The following HP1BP3 variants were observed in gnomAD, a reference collection of about 807,000 sequenced individuals.
The protein encoded by HP1BP3 is heterochromatin protein 1-binding protein 3.
In HP1BP3, 12 loss-of-function variants were observed where a neutral mutation model predicts 62.5. The ratio of observed to expected loss-of-function variants is 0.19; its 90% CI spans 0.12 to 0.31. The LOEUF is 0.31. Among genes scored for constraint, HP1BP3 ranks in the 10% least tolerant of loss-of-function variants. The pLI, the probability that HP1BP3 is intolerant of heterozygous loss-of-function variation, is 1.00. For synonymous variants in HP1BP3, 260 were observed against 237.8 expected (o/e 1.09, Z -0.86); for missense variants, 502 against 651.8 (o/e 0.77, Z 2.50).
chr1:20,773,380 T>A, intron 5 of HP1BP3, 71 bp downstream of exon 5: 1 of 1,351,308 alleles, frequency 7.4e-7, no homozygotes, highest in Non-Finnish European at 1.0e-6. Context: ...TAGACAGATA[T>A]ATGCCATTTT....
intron 8 of HP1BP3, among the ~76,000 whole-genome samples, chr1:20,758,645 C>CTT (rs1001723047): frequency 1.7e-4 from 23 of 133,068 alleles, no homozygotes; most frequent in Admixed American, 5.3e-4. Flanking sequence ...CACACCTGGC[C>CTT]TTTTTTTTTT....
chr1:20,780,771 A>C (rs1250922580), intron 1 of HP1BP3, among the ~76,000 whole-genome samples: 1 of 152,194 alleles, frequency 6.6e-6, no homozygotes, highest in Non-Finnish European at 1.5e-5. Context: ...ACATGAACAA[A>C]GACAACAAGG....
At chr1:20,755,378 C>T (rs952067946) in intron 9 of HP1BP3, 2 of 452,492 alleles carry the variant, frequency 4.4e-6, no homozygotes, top group African/African-American at 4.0e-5. Context: ...TCAAGAGTAG[C>T]CTGGGCAACA....
At chr1:20,767,528 A>T (rs1016682133) in intron 7 of HP1BP3, 56 bp downstream of exon 7, 2 of 1,140,782 alleles carry the variant, frequency 1.8e-6, no homozygotes, top group African/African-American at 3.1e-5. Flanking sequence ...GAATGTTGCT[A>T]TTTTTAGTAG....
intron 3 of HP1BP3, among the ~76,000 whole-genome samples, chr1:20,777,481 G>C (rs145065685): frequency 1.3e-5 from 2 of 150,888 alleles, no homozygotes; most frequent in Non-Finnish European, 2.9e-5. Context: ...TTTTTGAGAC[G>C]GAGTCTCGCT....
chr1:20,747,616 T>C lies in HP1BP3; in HGVS notation c.1181A>G (p.Asn394Ser), dbSNP rs1298441287. 4 of 1,613,624 alleles carry C rather than the reference T, an allele frequency of 2.5e-6. No homozygotes were observed. In the Admixed American group the frequency reaches 5.0e-5, roughly 20 times the overall value. ...LKKTLQKCEK[N>S]GWMEQISGKG... ...CCCAGAGATCTGTTCCATCCACCCA[T>C]TCTTTTCGCATTTCTGCAGGGTTTT... Residue 394 changes from asparagine to serine, a missense_variant, in exon 11 of 13, where the codon AAT (asparagine) becomes AGT (serine). Asn to Ser is a conservative substitution (Grantham distance 46). This residue lies in a region of HP1BP3 where 194 missense variants were observed against 207.0 expected (regional missense o/e 0.94). Coordinates refer to ENST00000438032, the MANE Select transcript of HP1BP3 (RefSeq NM_001372052.1).
At chr1:20,745,482 C>T in intron 12 of HP1BP3, 61 bp downstream of exon 12, 4 of 1,573,814 alleles carry the variant, frequency 2.5e-6, no homozygotes, top group South Asian at 1.2e-5. Flanking sequence ...TCCTATAGCA[C>T]TATTTTTCAG....
At chr1:20,774,166 A>G (rs949668646) in intron 4 of HP1BP3, 4 of 152,262 alleles carry the variant, frequency 2.6e-5, no homozygotes, top group South Asian at 2.1e-4. Flanking sequence ...TTCTGAGTAT[A>G]TAACAGTACT....
intron 10 of HP1BP3, among the ~76,000 whole-genome samples, chr1:20,748,602 A>T (rs1360402739): frequency 6.6e-6 from 1 of 152,098 alleles, no homozygotes; most frequent in Admixed American, 6.5e-5. Flanking sequence ...TAATACAAAA[A>T]CAAAAAAATT....
chr1:20,745,427 T>C (rs1159259475), intron 12 of HP1BP3, 116 bp downstream of exon 12: 11 of 1,271,746 alleles, frequency 8.6e-6, no homozygotes, highest in Non-Finnish European at 1.2e-5. Flanking sequence ...ATAAAGAACT[T>C]GAGAAGGATC....
At chr1:20,779,724 AAAC>A in intron 3 of HP1BP3, 85 bp downstream of exon 3, 1 of 846,106 alleles carries the variant, frequency 1.2e-6, no homozygotes. Context: ...AAAAAAAAAA[AAAC>A]AATTAAGTTC....
At chr1:20,784,027 T>G (rs924739371) in intron 1 of HP1BP3, among the ~76,000 whole-genome samples, 9 of 152,060 alleles carry the variant, frequency 5.9e-5, no homozygotes, top group African/African-American at 2.2e-4. Context: ...GATGCTCAGG[T>G]TGTAGTATCA....
At position 20,767,576 on chromosome 1, in the gene HP1BP3, T is replaced by G. The variant is rs1320541738; in HGVS notation, c.735+8A>C. On this transcript the variant is annotated splice_region_variant and intron_variant, in intron 7 of 12. Coordinates refer to ENST00000438032, the MANE Select transcript of HP1BP3 (RefSeq NM_001372052.1). ...CACAGCACTCAAACTGTGGTATAGA[T>G]GTCTTACCTTTCTGTTTCTGGATTT... 1.3e-6 allele frequency: 2 copies of G among 1,583,246 alleles called. No individual in the cohort carries two copies. The highest frequency in any genetic ancestry group is 2.7e-5 in the African/African-American group (2 of 73,992).
intron 11 of HP1BP3, among the ~76,000 whole-genome samples, chr1:20,746,194 G>A (rs200317273): frequency 0.32 from 46,125 of 144,652 alleles, 7,517 homozygotes; most frequent in Non-Finnish European, 0.38. Context: ...ATATGTGTGT[G>A]TGTGTGTGTG....
chr1:20,756,870 C>G (rs765182812), intron 9 of HP1BP3, among the ~76,000 whole-genome samples: 9 of 152,114 alleles, frequency 5.9e-5, no homozygotes, highest in Non-Finnish European at 7.3e-5. Context: ...CATGTGCCCC[C>G]ACGCCCAGCT....
rs577661888 is a variant in HP1BP3 at position 20,784,246 on chromosome 1, A to G, written c.-101+2949T>C. ...CGGCCTCTCAACGTGTTGGGATTACAGGTGTAAGCCACTGCATCTGACCCA... is the reference window on the plus strand; with the variant it reads ...CGGCCTCTCAACGTGTTGGGATTACGGGTGTAAGCCACTGCATCTGACCCA... On this transcript the variant is annotated intron_variant, in intron 1 of 12. Coordinates refer to ENST00000438032, the MANE Select transcript of HP1BP3 (RefSeq NM_001372052.1). Among the ~76,000 whole-genome samples the G allele has an allele frequency of 2.7e-4, 41 of 152,228 alleles. 2 individuals are homozygous for G. Among genetic ancestry groups the G allele is most frequent in the Admixed American group, 2.5e-3 (38 of 15,284 alleles).
intron 8 of HP1BP3, among the ~76,000 whole-genome samples, chr1:20,760,691 C>G (rs1570602021): frequency 1.3e-5 from 2 of 151,956 alleles, no homozygotes; most frequent in African/African-American, 4.8e-5. Flanking sequence ...ACAAAAATTA[C>G]CCGGGTGTGG....
chr1:20,778,601 G>A (rs74061511), intron 3 of HP1BP3, among the ~76,000 whole-genome samples: 5,408 of 152,184 alleles, frequency 0.036, 310 homozygotes, highest in African/African-American at 0.12. Flanking sequence ...ACCAGCACCC[G>A]TTTACTTTTT....
At chr1:20,747,958 A>ACTCC (rs1326012980) in intron 10 of HP1BP3, among the ~76,000 whole-genome samples, 1 of 151,754 alleles carries the variant, frequency 6.6e-6, no homozygotes, top group African/African-American at 2.4e-5. Context: ...CTCAAGCAAT[A>ACTCC]CTCCCACCTT....
Sources: gnomAD v4.1 joint callset for allele counts (sites outside exome capture counted in the v4.1 genomes callset) on GRCh38, gnomAD v4.1.1 for gene constraint, gnomAD v4.1.1 regional missense constraint, MANE v1.5 for transcripts, NCBI Gene and HGNC (gene_info 2026-07-23, HGNC 2026-07-21) for gene names.